Variants in TGFBR2 observed in about 807,000 individuals in gnomAD.
TGFBR2 encodes transforming growth factor beta receptor 2.
Under a neutral mutation model 49.0 loss-of-function variants are expected in TGFBR2, and 18 were observed. The ratio of observed to expected loss-of-function variants is 0.37; its 90% CI spans 0.25 to 0.54. The LOEUF (loss-of-function observed/expected upper bound fraction) is 0.54, where lower values mean the gene tolerates loss of function less well. Ranked by LOEUF, TGFBR2 falls within the 20% of genes least tolerant of loss-of-function variation. The pLI, the probability that TGFBR2 is intolerant of heterozygous loss-of-function variation, is 0.85. For missense variants in TGFBR2, 525 were observed against 722.6 expected, an observed-to-expected ratio of 0.73 and a Z score of 3.13; for synonymous variants, 282 against 275.9, an observed-to-expected ratio of 1.02 and a Z score of -0.22.
At chr3:30,631,621 C>CTTTTTTTTTTTTTTTT (rs71093918) in intron 1 of TGFBR2, among the ~76,000 whole-genome samples, 1 of 115,382 alleles carries the variant, frequency 8.7e-6, no homozygotes, top group Non-Finnish European at 1.8e-5. Flanking sequence ...CAACTTCTTT[C>CTTTTTTTTTTTTTTTT]TTTTTTTTTT....
chr3:30,629,241 A>T (rs577504663), intron 1 of TGFBR2, among the ~76,000 whole-genome samples: 1 of 152,350 alleles, frequency 6.6e-6, no homozygotes, highest in East Asian at 1.9e-4. Flanking sequence ...GTATGATTTC[A>T]TTTAACTTTA....
chr3:30,621,761 A>G (rs1372964673), intron 1 of TGFBR2, among the ~76,000 whole-genome samples: 1 of 152,212 alleles, frequency 6.6e-6, no homozygotes, highest in Non-Finnish European at 1.5e-5. Context: ...AATCACTTAC[A>G]TTATTCAGCA....
chr3:30,623,014 C>CA, intron 1 of TGFBR2, among the ~76,000 whole-genome samples: 1 of 151,364 alleles, frequency 6.6e-6, no homozygotes, highest in South Asian at 2.1e-4. Flanking sequence ...GAAAGATCAC[C>CA]AGAGGGAAAA....
chr3:30,674,757 A>T (rs1411883131), intron 5 of TGFBR2, among the ~76,000 whole-genome samples: 1 of 152,014 alleles, frequency 6.6e-6, no homozygotes, highest in African/African-American at 2.4e-5. Flanking sequence ...TCTAGTGAAG[A>T]GGTTATTGAG....
At chr3:30,651,908 T>TA (rs1698895642) in intron 3 of TGFBR2, among the ~76,000 whole-genome samples, 1 of 152,240 alleles carries the variant, frequency 6.6e-6, no homozygotes, top group Admixed American at 6.5e-5. Context: ...CTGATTTAAT[T>TA]AAAAAATCTT....
rs936363058 is a variant in TGFBR2, at chr3:30,693,422, C to G, written c.*1823C>G. The G allele has an allele frequency of 4.3e-6, 1 of 233,590 alleles. No individual in the cohort carries two copies. Among genetic ancestry groups the G allele is most frequent in the Non-Finnish European group, 8.5e-6 (1 of 117,970 alleles). 14.5% of individuals were successfully genotyped at this position (233,590 alleles called of 1,614,324 possible). A position where few individuals can be genotyped will look rare whatever the true frequency, so the allele number is the denominator to read the frequency against. ...AAGAAGTGTTAATGCTGCAAGTAAT[C>G]TCTTTTTTAAAACTTTTTGAAGCTA... On this transcript the variant is annotated 3_prime_UTR_variant, in exon 7 of 7. Coordinates refer to ENST00000295754, the MANE Select transcript of TGFBR2 (RefSeq NM_003242.6).
chr3:30,671,223 T>A (rs1349506378), intron 3 of TGFBR2, among the ~76,000 whole-genome samples: 1 of 152,200 alleles, frequency 6.6e-6, no homozygotes, highest in Non-Finnish European at 1.5e-5. Context: ...CCTTCCAGCA[T>A]GGAGTTCCCT....
chr3:30,618,381 C>T (rs940826150), intron 1 of TGFBR2, among the ~76,000 whole-genome samples: 4 of 151,954 alleles, frequency 2.6e-5, no homozygotes, highest in Non-Finnish European at 4.4e-5. Context: ...AGGTGTGCAC[C>T]AACACACTTG....
Position 30,670,072 on chromosome 3 carries a change from AC to A in TGFBR2, c.455-1564del, listed in dbSNP as rs1329326516. Among the ~76,000 whole-genome samples, 3 of 152,092 alleles carry A rather than the reference AC, an allele frequency of 2.0e-5. No homozygotes were observed. In the East Asian group the frequency reaches 5.8e-4, roughly 29 times the overall value. ...CTGACACGGAGTTTGGTTCCATACCACCTACCCATTTTTTTCCTTTCTATTC... is the reference window on the plus strand; with the variant it reads ...CTGACACGGAGTTTGGTTCCATACCACTACCCATTTTTTTCCTTTCTATTC... On this transcript the variant is annotated intron_variant, in intron 3 of 6. Coordinates refer to ENST00000295754, the MANE Select transcript of TGFBR2 (RefSeq NM_003242.6).
chr3:30,608,083 C>T (rs1377641188), intron 1 of TGFBR2, among the ~76,000 whole-genome samples: 2 of 151,512 alleles, frequency 1.3e-5, no homozygotes, highest in African/African-American at 4.9e-5. Flanking sequence ...GGATTACAGG[C>T]GCGTGCCACC....
At chr3:30,664,684 GCA>G (rs1162997080) in intron 3 of TGFBR2, among the ~76,000 whole-genome samples, 1 of 152,202 alleles carries the variant, frequency 6.6e-6, no homozygotes, top group African/African-American at 2.4e-5. Context: ...GCGCGTGCGC[GCA>G]CACACACGTT....
In TGFBR2 at chr3:30,688,386, G is replaced by A. The variant is rs2125451578; in HGVS notation, c.1399G>A (p.Val467Ile). ...GTGTTTGCTGGCTTTCTTCACAGAA[G>A]TAAAAGATTATGAGCCTCCATTTGG... is the stretch of plus-strand genomic sequence containing the variant. The part of the protein sequence containing the change: ...MTSRCNAVGE[V>I]KDYEPPFGSK... The change falls in exon 6 of 7, where the codon GTA (valine) becomes ATA (isoleucine). Residue 467 changes from valine to isoleucine, a missense_variant and splice_region_variant. Val to Ile is a conservative substitution (Grantham distance 29). Transcript: ENST00000295754. The A allele has an allele frequency of 1.2e-6, 2 of 1,614,190 alleles. No individual in the cohort carries two copies. The highest frequency in any genetic ancestry group is 1.7e-6 in the Non-Finnish European group (2 of 1,180,012).
intron 1 of TGFBR2, among the ~76,000 whole-genome samples, chr3:30,614,115 C>CTTTTT (rs5847643): frequency 3.3e-5 from 4 of 120,626 alleles, no homozygotes; most frequent in Non-Finnish European, 6.7e-5. Context: ...TTTTTCTTTC[C>CTTTTT]TTTTTTTTTT....
Position 30,692,986 on chromosome 3 carries a change from A to G in TGFBR2, c.*1387A>G, listed in dbSNP as rs1699741097. 1 of 233,076 alleles carries G rather than the reference A, an allele frequency of 4.3e-6. No individual in the cohort carries two copies. The highest frequency in any genetic ancestry group is 1.8e-4 in the South Asian group (1 of 5,522). The allele number at this position is 233,076 out of a possible 1,614,324, so 14.4% of individuals were successfully genotyped here. On this transcript the variant is annotated 3_prime_UTR_variant, in exon 7 of 7. Coordinates refer to ENST00000295754, the MANE Select transcript of TGFBR2 (RefSeq NM_003242.6). ...TGCCTACCTGGACCCCAGTCTAGGA[A>G]TTAAATCTGCACCTAACCAAGGTCC...
intron 1 of TGFBR2, among the ~76,000 whole-genome samples, chr3:30,643,253 A>G (rs1033665387): frequency 6.6e-6 from 1 of 152,184 alleles, no homozygotes; most frequent in African/African-American, 2.4e-5. Context: ...AGTACCTCAC[A>G]ACTTTCTGTG....
intron 1 of TGFBR2, among the ~76,000 whole-genome samples, chr3:30,644,027 G>A (rs1456081061): frequency 6.6e-6 from 1 of 152,170 alleles, no homozygotes; most frequent in African/African-American, 2.4e-5. Context: ...TTTATTTGCT[G>A]CGATCATAAC....
Position 30,670,453 on chromosome 3 carries a change from C to T in TGFBR2, c.455-1185C>T, listed in dbSNP as rs978233246. On this transcript the variant is annotated intron_variant, in intron 3 of 6. Coordinates refer to ENST00000295754, the MANE Select transcript of TGFBR2 (RefSeq NM_003242.6). ...ATGATTCTAGGATCTGAGCATGAGG[C>T]CTGCTCATTAATGGGTACTTTGGAG... is the stretch of plus-strand genomic sequence containing the variant. 3.1e-4 allele frequency among the ~76,000 whole-genome samples: 47 copies of T among 152,170 alleles called. 1 individual carries two copies. The highest frequency in any genetic ancestry group is 1.1e-3 in the African/African-American group (46 of 41,448).
intron 1 of TGFBR2, among the ~76,000 whole-genome samples, chr3:30,629,385 T>C (rs1362695575): frequency 1.3e-5 from 2 of 152,142 alleles, no homozygotes; most frequent in African/African-American, 4.8e-5. Flanking sequence ...ATGAACCAGC[T>C]CCTCCCAGTG....
chr3:30,679,621 A>T (rs1289643219), intron 5 of TGFBR2, among the ~76,000 whole-genome samples: 1 of 152,208 alleles, frequency 6.6e-6, no homozygotes, highest in Non-Finnish European at 1.5e-5. Context: ...CTTCTTAAGC[A>T]CTTGCTCCAC....
Sources: gnomAD v4.1 joint callset for allele counts (sites outside exome capture counted in the v4.1 genomes callset) on GRCh38, gnomAD v4.1.1 for gene constraint, MANE v1.5 for transcripts, NCBI Gene and HGNC (gene_info 2026-07-23, HGNC 2026-07-21) for gene names.